Variants in TRIOBP observed in about 807,000 individuals in gnomAD.
The protein encoded by TRIOBP is TRIO and F-actin-binding protein.
TRIOBP carries 169 observed loss-of-function variants against 238.8 expected under a neutral mutation model. The ratio of observed to expected loss-of-function variants is 0.71; its 90% CI spans 0.62 to 0.80. The LOEUF is 0.80. TRIOBP is among the 30% of genes least tolerant of loss of function. TRIOBP has a pLI of 0.00. For missense variants in TRIOBP, 2,838 were observed against 3,122.6 expected, an observed-to-expected ratio of 0.91 and a Z score of 2.17; for synonymous variants, 1,150 against 1,274.4, an observed-to-expected ratio of 0.90 and a Z score of 2.08.
intron 4 of TRIOBP, among the ~76,000 whole-genome samples, 200 bp from the exon 5 acceptor site, chr22:37,713,008 CAA>C (rs1232130357): frequency 7.1e-6 from 1 of 141,330 alleles, no homozygotes; most frequent in African/African-American, 2.6e-5. Flanking sequence ...AATAAAATTA[CAA>C]AAAAAAAAGG....
At chr22:37,735,551 C>G in intron 9 of TRIOBP, 109 bp downstream of exon 9, 1 of 1,322,980 alleles carries the variant, frequency 7.6e-7, no homozygotes, top group Non-Finnish European at 1.0e-6. Context: ...GCATCCCCCT[C>G]CAGGCTCAGA....
At chr22:37,750,649 G>A (rs1394455928) in intron 11 of TRIOBP, 1 of 471,206 alleles carries the variant, frequency 2.1e-6, no homozygotes. Flanking sequence ...CAGGTATACA[G>A]GGAGGGGCTG....
chr22:37,725,227 A>C lies in TRIOBP; in HGVS notation c.2671A>C (p.Asn891His), dbSNP rs1483720900. Residue 891 changes from asparagine to histidine, a missense_variant, in exon 7 of 24, where the codon AAT (asparagine) becomes CAT (histidine). Around this residue, in one of 5 missense-constraint regions of TRIOBP, gnomAD observed 2,096 missense variants for 2,137.4 expected, o/e 0.98. Transcript: ENST00000644935. ...TCCCCACCGCTCCACTCAATGGAAC[A>C]ATCCCAGGAATTCATCTCCCCATCG... ...SSPHRSTQWN[N>H]PRNSSPHRTN... 1 of 1,613,946 alleles carries C rather than the reference A, an allele frequency of 6.2e-7. No individual in the cohort carries two copies. Among genetic ancestry groups the C allele is most frequent in the African/African-American group, 1.3e-5 (1 of 74,896 alleles).
chr22:37,716,630 A>G (rs562645676), intron 6 of TRIOBP, among the ~76,000 whole-genome samples: 12 of 152,332 alleles, frequency 7.9e-5, no homozygotes, highest in South Asian at 6.2e-4. Flanking sequence ...GGGTTTCACC[A>G]TGTTGGCCGG....
chr22:37,735,556 C>A, intron 9 of TRIOBP, 114 bp downstream of exon 9: 1 of 1,257,642 alleles, frequency 8.0e-7, no homozygotes. Flanking sequence ...CCCCTCCAGG[C>A]TCAGACCTCA....
intron 17 of TRIOBP, among the ~76,000 whole-genome samples, chr22:37,763,832 T>A (rs1030867470): frequency 2.0e-5 from 3 of 152,172 alleles, no homozygotes; most frequent in African/African-American, 7.2e-5. Context: ...AGGCGAGAAG[T>A]CTAACGCGAG....
chr22:37,747,264 C>T (rs928870155), intron 11 of TRIOBP, among the ~76,000 whole-genome samples: 6 of 152,222 alleles, frequency 3.9e-5, no homozygotes, highest in African/African-American at 1.4e-4. Flanking sequence ...TAGCTCCTTT[C>T]CCTGTCCTTC....
intron 3 of TRIOBP, 92 bp downstream of exon 3, chr22:37,701,571 C>A: frequency 1.1e-6 from 1 of 907,276 alleles, no homozygotes; most frequent in Non-Finnish European, 1.8e-6. Context: ...GCAGTTGAAC[C>A]CAGATGCTGG....
Position 37,757,922 on chromosome 22 carries a change from G to C in TRIOBP, c.5997G>C (p.Glu1999Asp). The C allele has an allele frequency of 6.4e-7, 1 of 1,554,398 alleles. No homozygotes were observed. Among genetic ancestry groups the C allele is most frequent in the Non-Finnish European group, 8.7e-7 (1 of 1,149,404 alleles). ...WFEATDSRTPEVPAGEGPRRG... is the reference protein window; with the variant it reads ...WFEATDSRTPDVPAGEGPRRG... Reference sequence around the variant, plus strand: ...AGGCCACAGACAGCAGGACCCCAGAGGTGCCTGCTGGTGAGGGGCCGCGCC... The same window carrying C: ...AGGCCACAGACAGCAGGACCCCAGACGTGCCTGCTGGTGAGGGGCCGCGCC... The change falls in exon 16 of 24, where the codon GAG (glutamate) becomes GAC (aspartate). Residue 1999 changes from glutamate to aspartate, a missense_variant. Transcript: ENST00000644935.
Position 37,754,859 on chromosome 22 carries a change from A to G in TRIOBP, c.5380-18A>G. 2 of 1,612,836 alleles carry G rather than the reference A, an allele frequency of 1.2e-6. No homozygotes were observed. Among genetic ancestry groups the G allele is most frequent in the Non-Finnish European group, 8.5e-7 (1 of 1,178,922 alleles). Reference sequence around the variant, plus strand: ...TACAATCACACACACTGGCTCTTTCATTCCATCCTCCTTGCAGCCTCCCTC... The same window carrying G: ...TACAATCACACACACTGGCTCTTTCGTTCCATCCTCCTTGCAGCCTCCCTC... On this transcript the variant is annotated intron_variant, in intron 12 of 23. Transcript: ENST00000644935.
chr22:37,759,993 G>A (rs1926159605), intron 17 of TRIOBP: 1 of 195,392 alleles, frequency 5.1e-6, no homozygotes, highest in Admixed American at 5.4e-5. Flanking sequence ...AATGCTTTCA[G>A]TGATTTTTTC....
At chr22:37,698,713 T>G (rs1922486102) in intron 2 of TRIOBP, among the ~76,000 whole-genome samples, 1 of 152,028 alleles carries the variant, frequency 6.6e-6, no homozygotes, top group Non-Finnish European at 1.5e-5. Flanking sequence ...GGCGTACACC[T>G]GTAGTCCCAG....
chr22:37,759,157 C>T lies in TRIOBP; in HGVS notation c.6217C>T (p.Gln2073Ter). 1.9e-6 allele frequency: 3 copies of T among 1,611,378 alleles called. No homozygotes were observed. Among genetic ancestry groups the T allele is most frequent in the Non-Finnish European group, 2.5e-6 (3 of 1,179,272 alleles). ...TGACCACCCTTCTCCCTCGTAGGTT[C>T]AGGCTCTTCGGGCCCAGCTGGAGGC... ...DGHEALEKEV[Q>*]ALRAQLEAWR... The change falls in exon 17 of 24, where the codon CAG (glutamine) becomes TAG (stop). Residue 2073 changes from glutamine to a stop codon, truncating the protein, a stop_gained. Coordinates refer to ENST00000644935, the MANE Select transcript of TRIOBP (RefSeq NM_001039141.3). LOFTEE classifies it high-confidence loss of function.
rs1325441546 is a variant in TRIOBP at position 37,710,648 on chromosome 22, C to T, written c.254+82C>T. On this transcript the variant is annotated intron_variant, in intron 4 of 23. Transcript: ENST00000644935. ...TCCCATTTGCACTCCTTCCCCAAGG[C>T]AGCACCTGTCTCTAATGGCTGCTGG... 5 of 1,515,852 alleles carry T rather than the reference C, an allele frequency of 3.3e-6. No homozygotes were observed. The African/African-American group carries it at 6.9e-5, about 21-fold the overall frequency. 93.9% of individuals were successfully genotyped at this position (1,515,852 alleles called of 1,614,324 possible). A position where few individuals can be genotyped will look rare whatever the true frequency, so the allele number is the denominator to read the frequency against.
chr22:37,767,010 T>C (rs1295289222), intron 18 of TRIOBP, among the ~76,000 whole-genome samples: 4 of 149,626 alleles, frequency 2.7e-5, no homozygotes, highest in Admixed American at 2.7e-4. Context: ...CCCAGCACTT[T>C]GGGAGGCCGA....
At chr22:37,748,696 T>C (rs895565656) in intron 11 of TRIOBP, among the ~76,000 whole-genome samples, 6 of 152,140 alleles carry the variant, frequency 3.9e-5, no homozygotes, top group African/African-American at 1.2e-4. Flanking sequence ...CTGTGAAGGA[T>C]AAGTAAAGGG....
At chr22:37,719,989 C>CACACTGCGCTCACTGTTTCACTCAT (rs367687004) in intron 6 of TRIOBP, among the ~76,000 whole-genome samples, 1 of 71,206 alleles carries the variant, frequency 1.4e-5, no homozygotes, top group Non-Finnish European at 2.5e-5. Flanking sequence ...TTTCACTCAT[C>CACACTGCGCTCACTGTTTCACTCAT]CCCCCCCGCC....
At position 37,723,445 on chromosome 22, in the gene TRIOBP, C is replaced by A; in HGVS notation, c.889C>A (p.Gln297Lys). 1 of 1,612,730 alleles carries A rather than the reference C, an allele frequency of 6.2e-7. No homozygotes were observed. Among genetic ancestry groups the A allele is most frequent in the Non-Finnish European group, 8.5e-7 (1 of 1,179,552 alleles). The change falls in exon 7 of 24, where the codon CAG becomes AAG. Residue 297 changes from glutamine to lysine, a missense_variant. Physicochemically the swap from Gln to Lys is moderately conservative, Grantham distance 53 (BLOSUM62 1). Around this residue, in one of 5 missense-constraint regions of TRIOBP, gnomAD observed 535 missense variants for 537.3 expected, o/e 1.00. Transcript: ENST00000644935. ...RDTSRASSTQ[Q>K]EISRASSTQQ... ...CACCTCCAGGGCCTCATCCACCCAA[C>A]AGGAAATCTCCAGGGCCTCATCCAC...
At position 37,735,052 on chromosome 22, in the gene TRIOBP, G is replaced by A. The variant is rs1422166710; in HGVS notation, c.4716G>A (p.Gly1572=). The change falls in exon 9 of 24, where the codon GGG becomes GGA. Residue 1572 remains glycine (G), a synonymous_variant. Transcript: ENST00000644935. ...LLGLLRAPGE[G]VWARVPSLDW... Reference sequence around the variant, plus strand: ...GCCTTCTCCGGGCACCAGGAGAGGGGGTCTGGGCCCGTGTCCCCAGCCTGG... The same window carrying A: ...GCCTTCTCCGGGCACCAGGAGAGGGAGTCTGGGCCCGTGTCCCCAGCCTGG... The A allele has an allele frequency of 6.2e-7, 1 of 1,607,576 alleles. No homozygotes were observed. Among genetic ancestry groups the A allele is most frequent in the Non-Finnish European group, 8.5e-7 (1 of 1,175,656 alleles).
Sources: gnomAD v4.1 joint callset for allele counts (sites outside exome capture counted in the v4.1 genomes callset) on GRCh38, gnomAD v4.1.1 for gene constraint, gnomAD v4.1.1 regional missense constraint, MANE v1.5 for transcripts, NCBI Gene and HGNC (gene_info 2026-07-23, HGNC 2026-07-21) for gene names.